CTCF: variants seen among roughly 807,000 people sequenced by gnomAD.
CTCF encodes the protein transcriptional repressor CTCF.
CTCF carries 7 observed loss-of-function variants against 72.3 expected under a neutral mutation model. The ratio of observed to expected loss-of-function variants is 0.10; its 90% CI spans 0.06 to 0.18. CTCF has a LOEUF of 0.18. Among genes scored for constraint, CTCF ranks in the 10% least tolerant of loss-of-function variants. CTCF has a pLI of 1.00. For missense variants in CTCF, 516 were observed against 949.1 expected, an observed-to-expected ratio of 0.54 and a Z score of 6.00; for synonymous variants, 374 against 315.8, an observed-to-expected ratio of 1.18 and a Z score of -1.95.
At position 67,613,456 on chromosome 16, in the gene CTCF, G is replaced by A. The variant is rs116764957; in HGVS notation, c.952+1335G>A. 3.7e-3 allele frequency among the ~76,000 whole-genome samples: 558 copies of A among 152,236 alleles called. 7 individuals are homozygous for A. Among genetic ancestry groups the A allele is most frequent in the African/African-American group, 0.013 (520 of 41,554 alleles). On this transcript the variant is annotated intron_variant, in intron 4 of 11. Transcript: ENST00000264010. ...TTTCTACTCAGACACTTGATAATAT[G>A]TTTTATTTGATACTTTGAAGACACT...
intron 10 of CTCF, among the ~76,000 whole-genome samples, chr16:67,632,584 C>A (rs2052379869): frequency 6.6e-6 from 1 of 152,208 alleles, no homozygotes; most frequent in African/African-American, 2.4e-5. Flanking sequence ...CTGCTGTTTT[C>A]AAGGCTTTTT....
At chr16:67,636,053 G>A (rs1461908120) in intron 10 of CTCF, among the ~76,000 whole-genome samples, 1 of 152,082 alleles carries the variant, frequency 6.6e-6, no homozygotes, top group East Asian at 1.9e-4. Context: ...CCAACATGGC[G>A]AAACCCCATC....
intron 2 of CTCF, among the ~76,000 whole-genome samples, chr16:67,592,792 C>G (rs905912384): frequency 1.3e-5 from 2 of 151,482 alleles, no homozygotes; most frequent in Admixed American, 6.6e-5. Context: ...TTTGGGAGGC[C>G]GAGGTGGGTG....
At position 67,611,027 on chromosome 16, in the gene CTCF, G is replaced by C; in HGVS notation, c.195G>C (p.Gln65His). The C allele has an allele frequency of 6.2e-7, 1 of 1,614,178 alleles. No homozygotes were observed. Among genetic ancestry groups the C allele is most frequent in the African/African-American group, 1.3e-5 (1 of 75,060 alleles). Residue 65 changes from glutamine (Q) to histidine (H), a missense_variant, in exon 3 of 12, where the codon CAG becomes CAC. By Grantham distance (24) the Gln-to-His change is conservative (BLOSUM62 0). Coordinates refer to ENST00000264010, the MANE Select transcript of CTCF (RefSeq NM_006565.4). ...GTGTACAGATGGTGATGATGGAACA[G>C]CTGGACCCCACCCTTCTTCAGATGA... ...NSSVQMVMME[Q>H]LDPTLLQMKT...
chr16:67,589,372 A>G (rs1387964846), intron 2 of CTCF, among the ~76,000 whole-genome samples: 1 of 152,156 alleles, frequency 6.6e-6, no homozygotes, highest in Non-Finnish European at 1.5e-5. Context: ...GTTACATTAA[A>G]TTTCTTCTGC....
chr16:67,627,538 C>G (rs2052306574), intron 8 of CTCF: 2 of 151,886 alleles, frequency 1.3e-5, no homozygotes, highest in African/African-American at 4.8e-5. Flanking sequence ...GTGACTCACA[C>G]CTGTAATCCC....
At chr16:67,606,224 A>G (rs924720893) in intron 2 of CTCF, among the ~76,000 whole-genome samples, 2 of 152,124 alleles carry the variant, frequency 1.3e-5, no homozygotes, top group Admixed American at 6.6e-5. Flanking sequence ...ACTAATTCCC[A>G]CATGTATTTA....
intron 10 of CTCF, among the ~76,000 whole-genome samples, chr16:67,632,336 A>G (rs1159363592): frequency 1.3e-5 from 2 of 152,164 alleles, no homozygotes; most frequent in African/African-American, 4.8e-5. Context: ...AAGCATCTTT[A>G]GTCAAAAGAG....
rs1201884537 is a variant in CTCF at position 67,631,170 on chromosome 16, TTG to T, written c.1837+1639_1837+1640del. 2.7e-3 allele frequency among the ~76,000 whole-genome samples: 387 copies of T among 142,080 alleles called. 5 individuals are homozygous for T. Among genetic ancestry groups the T allele is most frequent in the African/African-American group, 9.0e-3 (346 of 38,522 alleles). The allele number at this position is 142,080 out of a possible 152,430, so 93.2% of individuals were successfully genotyped here. On this transcript the variant is annotated intron_variant, in intron 10 of 11. Coordinates refer to ENST00000264010, the MANE Select transcript of CTCF (RefSeq NM_006565.4). ...TCTTTGTTTGTTTTTTTTTTGTTTT[TTG>T]TTTTTTTTTTGAGACAGTGTCTCCC...
At chr16:67,618,143 G>A (rs922342242) in intron 5 of CTCF, among the ~76,000 whole-genome samples, 8 of 152,152 alleles carry the variant, frequency 5.3e-5, no homozygotes, top group South Asian at 2.1e-4. Context: ...GGTGGCTCAC[G>A]CCTGTAATCC....
intron 2 of CTCF, among the ~76,000 whole-genome samples, chr16:67,593,964 C>T (rs1167682610): frequency 6.6e-6 from 1 of 152,020 alleles, no homozygotes; most frequent in East Asian, 1.9e-4. Flanking sequence ...GACATATTTG[C>T]TATGTAGTCA....
chr16:67,596,215 G>C (rs2051812896), intron 2 of CTCF, among the ~76,000 whole-genome samples: 1 of 152,198 alleles, frequency 6.6e-6, no homozygotes, highest in Non-Finnish European at 1.5e-5. Context: ...GCCTCCCAAA[G>C]TGCTGGGATT....
At chr16:67,604,331 A>T (rs989484543) in intron 2 of CTCF, among the ~76,000 whole-genome samples, 2 of 151,614 alleles carry the variant, frequency 1.3e-5, no homozygotes, top group African/African-American at 4.8e-5. Flanking sequence ...TTTTTTTGTT[A>T]GTTTTGTTTT....
intron 1 of CTCF, among the ~76,000 whole-genome samples, chr16:67,567,673 C>T (rs559156648): frequency 6.6e-6 from 1 of 152,154 alleles, no homozygotes; most frequent in African/African-American, 2.4e-5. Context: ...TCACTGCAGC[C>T]TTGAACTCCT....
chr16:67,593,026 G>GA (rs57613821), intron 2 of CTCF, among the ~76,000 whole-genome samples: 15,236 of 146,304 alleles, frequency 0.1, 960 homozygotes, highest in African/African-American at 0.17. Context: ...ACTCCATCTG[G>GA]AAAAAAAAAA....
chr16:67,604,128 C>CA (rs762004795), intron 2 of CTCF, among the ~76,000 whole-genome samples: 1,926 of 57,406 alleles, frequency 0.034, 16 homozygotes, highest in East Asian at 0.057. Flanking sequence ...AACCCCGTCT[C>CA]AAAAAAAAAA....
intron 9 of CTCF, 74 bp downstream of exon 9, chr16:67,628,626 G>A: frequency 2.7e-6 from 4 of 1,471,620 alleles, no homozygotes; most frequent in South Asian, 1.2e-5. Flanking sequence ...GCAGAGCATG[G>A]TAGTTTTTTT....
chr16:67,590,726 G>A (rs1344964542), intron 2 of CTCF, among the ~76,000 whole-genome samples: 2 of 151,718 alleles, frequency 1.3e-5, no homozygotes, highest in African/African-American at 2.4e-5. Context: ...GGAGGCTGAG[G>A]AGGGTGGATC....
rs371140418 is a variant in CTCF, at chr16:67,637,892, G to A, written c.*20G>A. 56 of 1,589,824 alleles carry A rather than the reference G, an allele frequency of 3.5e-5. No individual in the cohort carries two copies. The highest frequency in any genetic ancestry group is 1.5e-4 in the African/African-American group (11 of 74,150). On this transcript the variant is annotated 3_prime_UTR_variant, in exon 12 of 12. Transcript: ENST00000264010. Reference sequence around the variant, plus strand: ...CGGTGATGGCGGAGCCTTGTGCGTCGCCAGGACTTCTCTGGGCTGTGTTTA... The same window carrying A: ...CGGTGATGGCGGAGCCTTGTGCGTCACCAGGACTTCTCTGGGCTGTGTTTA...
Sources: allele counts gnomAD v4.1 joint callset (sites outside exome capture counted in the v4.1 genomes callset), GRCh38; gene constraint gnomAD v4.1.1; transcripts MANE v1.5; gene names NCBI Gene and HGNC (gene_info 2026-07-23, HGNC 2026-07-21).